C7: variants seen among roughly 807,000 people sequenced by gnomAD.
C7 encodes the protein complement C7.
Under a neutral mutation model 104.8 loss-of-function variants are expected in C7, and 83 were observed. The observed-to-expected ratio is 0.79, with a 90% CI of 0.66 to 0.95. The LOEUF (loss-of-function observed/expected upper bound fraction) is 0.95, where lower values mean the gene tolerates loss of function less well. Ranked by LOEUF, C7 falls within the 40% of genes least tolerant of loss-of-function variation. C7 has a pLI of 0.00. For synonymous variants in C7, 415 were observed against 360.6 expected (o/e 1.15, Z -1.71); for missense variants, 1,070 against 1,011.2 (o/e 1.06, Z -0.79).
intron 1 of C7, among the ~76,000 whole-genome samples, chr5:40,928,268 C>G (rs972865008): frequency 3.3e-5 from 5 of 152,204 alleles, no homozygotes; most frequent in Non-Finnish European, 5.9e-5. Context: ...AAATAAAGGT[C>G]AAAGGGTACA....
chr5:40,952,692 T>G (rs927463879), intron 9 of C7, among the ~76,000 whole-genome samples: 3 of 151,914 alleles, frequency 2.0e-5, no homozygotes, highest in Non-Finnish European at 4.4e-5. Flanking sequence ...CCCCTTCCTG[T>G]GTCCAAGTGT....
At chr5:40,938,109 T>C (rs1739855146) in intron 6 of C7, among the ~76,000 whole-genome samples, 1 of 152,116 alleles carries the variant, frequency 6.6e-6, no homozygotes, top group Non-Finnish European at 1.5e-5. Flanking sequence ...ATAACATATA[T>C]GTGTAATTTG....
chr5:40,957,078 C>G (rs750236790), intron 10 of C7, among the ~76,000 whole-genome samples: 1 of 152,200 alleles, frequency 6.6e-6, no homozygotes, highest in Non-Finnish European at 1.5e-5. Flanking sequence ...CCATCGTGTT[C>G]GCAACAGCTT....
chr5:40,942,654 C>T (rs1481008307), intron 6 of C7, among the ~76,000 whole-genome samples: 1 of 151,924 alleles, frequency 6.6e-6, no homozygotes, highest in African/African-American at 2.4e-5. Context: ...GAGGAGGGAA[C>T]TGACTAGAGA....
chr5:40,933,846 G>C (rs138392328), intron 3 of C7, among the ~76,000 whole-genome samples: 121 of 152,140 alleles, frequency 8.0e-4, no homozygotes, highest in African/African-American at 2.7e-3. Flanking sequence ...TTGGAACACA[G>C]ATTTGGTAAA....
At chr5:40,929,110 A>G (rs1739620572) in intron 2 of C7, among the ~76,000 whole-genome samples, 1 of 152,226 alleles carries the variant, frequency 6.6e-6, no homozygotes, top group Admixed American at 6.5e-5. Context: ...TTGATGAGAC[A>G]GAGCCAGGTC....
At chr5:40,933,935 CTTTTCTTTTTTT>C (rs1561242226) in intron 3 of C7, among the ~76,000 whole-genome samples, 1 of 118,740 alleles carries the variant, frequency 8.4e-6, no homozygotes, top group Non-Finnish European at 1.7e-5. Flanking sequence ...TTTCTTTTTT[CTTTTCTTTTTTT>C]TTTTTTGAGA....
At chr5:40,971,137 T>G (rs1740690285) in intron 14 of C7, among the ~76,000 whole-genome samples, 1 of 152,186 alleles carries the variant, frequency 6.6e-6, no homozygotes, top group Admixed American at 6.5e-5. Context: ...TATTTCTGGT[T>G]CTAGATCCTT....
rs780873509 is a variant in C7 at position 40,959,612 on chromosome 5, G to T, written c.1653G>T (p.Glu551Asp). 3.1e-6 allele frequency: 5 copies of T among 1,593,776 alleles called. No individual in the cohort carries two copies. The highest frequency in any genetic ancestry group is 4.3e-6 in the Non-Finnish European group (5 of 1,170,122). Residue 551 changes from glutamate (E) to aspartate (D), a missense_variant, in exon 12 of 18, where the codon GAG (glutamate) becomes GAT (aspartate). By Grantham distance (45) the Glu-to-Asp change is conservative (BLOSUM62 2). Coordinates refer to ENST00000313164, the MANE Select transcript of C7 (RefSeq NM_000587.4). ...CACAATGCGAAGATGAGGAGCTGGAGCACTTGAGGTAATGGAGACCCGACC... is the reference window on the plus strand; with the variant it reads ...CACAATGCGAAGATGAGGAGCTGGATCACTTGAGGTAATGGAGACCCGACC... ...ESTQCEDEEL[E>D]HLRLLEPHCF... is the part of the protein sequence containing the mutation.
rs1554043222 is a variant in C7, at chr5:40,953,856, A to AC, written c.1094-1531_1094-1530insC. Among the ~76,000 whole-genome samples, 183 of 150,730 alleles carry AC rather than the reference A, an allele frequency of 1.2e-3. 1 individual carries two copies. The highest frequency in any genetic ancestry group is 3.0e-3 in the South Asian group (14 of 4,714). ...ATCAAAATATCACATGCACCCCATA[A>AC]ACATGTACCATTATTGTGTATAAAT... On this transcript the variant is annotated intron_variant, in intron 9 of 17. Transcript: ENST00000313164.
Position 40,930,709 on chromosome 5 carries a change from C to T in C7, c.63-355C>T, listed in dbSNP as rs140652516. On this transcript the variant is annotated intron_variant, in intron 2 of 17. Coordinates refer to ENST00000313164, the MANE Select transcript of C7 (RefSeq NM_000587.4). The stretch of plus-strand genomic sequence containing the variant: ...TCCCGGGTAGCTGATATTACAGGCA[C>T]GCGCCACCCTGCCTGGCTAATTTTT... Among the ~76,000 whole-genome samples, 99 of 151,446 alleles carry T rather than the reference C, an allele frequency of 6.5e-4. No individual in the cohort carries two copies. The East Asian group carries it at 0.011, about 16-fold the overall frequency.
Position 40,937,536 on chromosome 5 carries a change from C to T in C7, c.429-16C>T. The T allele has an allele frequency of 3.2e-6, 5 of 1,578,734 alleles. No individual in the cohort carries two copies. Among genetic ancestry groups the T allele is most frequent in the Non-Finnish European group, 4.3e-6 (5 of 1,164,166 alleles). On this transcript the variant is annotated splice_polypyrimidine_tract_variant and intron_variant, in intron 5 of 17. Coordinates refer to ENST00000313164, the MANE Select transcript of C7 (RefSeq NM_000587.4). ...GGCTTTTTATTTCCTCCTTCTCCTC[C>T]TCCTCCTTTTAACAGTTACAATGAA...
intron 10 of C7, among the ~76,000 whole-genome samples, chr5:40,957,446 CTATTT>C (rs200502275): frequency 7.2e-5 from 11 of 151,766 alleles, no homozygotes; most frequent in African/African-American, 2.2e-4. Flanking sequence ...AATGAATGTC[CTATTT>C]TATTTTATTT....
chr5:40,962,473 C>T (rs898748901), intron 13 of C7, among the ~76,000 whole-genome samples: 1 of 152,148 alleles, frequency 6.6e-6, no homozygotes, highest in African/African-American at 2.4e-5. Flanking sequence ...CACCAAACTG[C>T]GAATCTACAA....
chr5:40,927,114 A>AT (rs1439914883), intron 1 of C7, among the ~76,000 whole-genome samples: 1 of 152,076 alleles, frequency 6.6e-6, no homozygotes, highest in Non-Finnish European at 1.5e-5. Context: ...TCGATTGGTT[A>AT]TTTTTGCAAG....
intron 6 of C7, among the ~76,000 whole-genome samples, chr5:40,938,897 G>C (rs922404266): frequency 1.3e-5 from 2 of 152,160 alleles, no homozygotes; most frequent in African/African-American, 4.8e-5. Flanking sequence ...CAAACATGTT[G>C]AAGCAATAGC....
chr5:40,976,550 C>A, intron 15 of C7, 200 bp from the exon 16 acceptor site: 1 of 384,806 alleles, frequency 2.6e-6, no homozygotes, highest in East Asian at 4.0e-5. Flanking sequence ...ACTACCAATG[C>A]AGTTATTTGT....
At chr5:40,940,343 C>T (rs1739909247) in intron 6 of C7, among the ~76,000 whole-genome samples, 1 of 152,116 alleles carries the variant, frequency 6.6e-6, no homozygotes, top group South Asian at 2.1e-4. Flanking sequence ...ACAAGGAAGG[C>T]ATTTATGGCT....
rs773824131 is a variant in C7, at chr5:40,945,272, A to G, written c.642A>G (p.Glu214=). 3.1e-6 allele frequency: 5 copies of G among 1,598,102 alleles called. No individual in the cohort carries two copies. The East Asian group carries it at 6.7e-5, about 21-fold the overall frequency. Residue 214 remains glutamate (E), a synonymous_variant, in exon 7 of 18, where the codon GAA becomes GAG. Coordinates refer to ENST00000313164, the MANE Select transcript of C7 (RefSeq NM_000587.4). ...CTTATGTAAAACATACGTCGACAGA[A>G]CACACATCATCTAGTCGGAAGCGCT... ...TWSYVKHTST[E]HTSSSRKRSF... is the part of the protein sequence containing the mutation.
Sources: allele counts gnomAD v4.1 joint callset (sites outside exome capture counted in the v4.1 genomes callset), GRCh38; gene constraint gnomAD v4.1.1; transcripts MANE v1.5; gene names NCBI Gene and HGNC (gene_info 2026-07-23, HGNC 2026-07-21).